The following CASQ1 variants were observed in gnomAD, a reference collection of about 807,000 sequenced individuals.
The protein encoded by CASQ1 is calsequestrin-1.
CASQ1 carries 40 observed loss-of-function variants against 49.5 expected under a neutral mutation model. The observed-to-expected ratio is 0.81, with a 90% CI of 0.63 to 1.05. The LOEUF (loss-of-function observed/expected upper bound fraction) is 1.05, where lower values mean the gene tolerates loss of function less well. Among genes scored for constraint, CASQ1 ranks in the 50% least tolerant of loss-of-function variants. The probability of loss-of-function intolerance (pLI) is 0.00; values close to 1 mark genes in which losing one functional copy is unlikely to be tolerated. For missense variants in CASQ1, 469 were observed against 486.9 expected (o/e 0.96, Z 0.35); for synonymous variants, 174 against 187.2 (o/e 0.93, Z 0.58).
chr1:160,201,251 A>G lies in CASQ1; in HGVS notation c.1066A>G (p.Ser356Gly), dbSNP rs774947224. 8.7e-6 allele frequency: 14 copies of G among 1,612,836 alleles called. No homozygotes were observed. The highest frequency in any genetic ancestry group is 1.2e-5 in the Non-Finnish European group (14 of 1,179,578). ...TGCCTGTGCCATCTCCTAGGCGGATAGCGTATGGATGGAAATGGACGATGA... is the reference window on the plus strand; with the variant it reads ...TGCCTGTGCCATCTCCTAGGCGGATGGCGTATGGATGGAAATGGACGATGA... ...IGVVNVTDAD[S>G]VWMEMDDEED... is the part of the protein sequence containing the mutation. The change falls in exon 11 of 11, where the codon AGC becomes GGC. Residue 356 changes from serine (S) to glycine (G), a missense_variant. Transcript: ENST00000368078.
intron 8 of CASQ1, 47 bp from the exon 9 acceptor site, chr1:160,198,906 C>CT (rs1557816304): frequency 1.5e-6 from 2 of 1,315,704 alleles, no homozygotes; most frequent in South Asian, 2.4e-5. Context: ...ACCTGGGTCC[C>CT]TTTCCTCTCT....
At chr1:160,200,029 C>G in intron 10 of CASQ1, 104 bp downstream of exon 10, 1 of 777,618 alleles carries the variant, frequency 1.3e-6, no homozygotes, top group South Asian at 1.4e-5. Flanking sequence ...TCTCACAGGA[C>G]GCAGACATGC....
chr1:160,200,034 A>G (rs910304696), intron 10 of CASQ1, 109 bp downstream of exon 10: 2 of 759,174 alleles, frequency 2.6e-6, no homozygotes, highest in Non-Finnish European at 2.4e-6. Flanking sequence ...CAGGACGCAG[A>G]CATGCCCAGT....
intron 7 of CASQ1, among the ~76,000 whole-genome samples, chr1:160,197,924 C>A (rs1406506743): frequency 6.6e-6 from 1 of 151,958 alleles, no homozygotes; most frequent in Non-Finnish European, 1.5e-5. Flanking sequence ...GAGGCTGAGG[C>A]AGGAGAATGG....
intron 5 of CASQ1, 59 bp from the exon 6 acceptor site, chr1:160,195,838 G>C: frequency 6.4e-7 from 1 of 1,572,446 alleles, no homozygotes; most frequent in East Asian, 2.2e-5. Context: ...CCATTATACT[G>C]CTTCTCGACA....
Position 160,198,683 on chromosome 1 carries a change from G to A in CASQ1, c.835G>A (p.Asp279Asn), listed in dbSNP as rs754411273. Residue 279 changes from aspartate to asparagine, a missense_variant, in exon 8 of 11, where the codon GAT (aspartate) becomes AAT (asparagine). Transcript: ENST00000368078. ...CCTTCTTACCCCCTGACAGGAGGAT[G>A]ATATGGATGGAATCCACATTGTGGC... Reference protein sequence around the residue: ...PESMYETWEDDMDGIHIVAFA... With the variant: ...PESMYETWEDNMDGIHIVAFA... 1.7e-5 allele frequency: 27 copies of A among 1,613,266 alleles called. No homozygotes were observed. The highest frequency in any genetic ancestry group is 2.0e-5 in the Non-Finnish European group (23 of 1,179,304).
rs564549404 is a variant in CASQ1, at chr1:160,198,680, G to A, written c.832G>A (p.Asp278Asn). The A allele has an allele frequency of 1.7e-5, 27 of 1,613,148 alleles. 1 individual carries two copies. In the South Asian group the frequency reaches 3.0e-4, roughly 18 times the overall value. ...TCTCCTTCTTACCCCCTGACAGGAGGATGATATGGATGGAATCCACATTGT... is the reference window on the plus strand; with the variant it reads ...TCTCCTTCTTACCCCCTGACAGGAGAATGATATGGATGGAATCCACATTGT... ...KPESMYETWE[D>N]DMDGIHIVAF... Residue 278 changes from aspartate (D) to asparagine (N), a missense_variant, in exon 8 of 11, where the codon GAT becomes AAT. Coordinates refer to ENST00000368078, the MANE Select transcript of CASQ1 (RefSeq NM_001231.5).
Position 160,201,495 on chromosome 1 carries a change from G to A in CASQ1, c.*119G>A. 9.3e-7 allele frequency: 1 copy of A among 1,069,610 alleles called. No individual in the cohort carries two copies. Among genetic ancestry groups the A allele is most frequent in the Non-Finnish European group, 1.4e-6 (1 of 728,568 alleles). The allele number at this position is 1,069,610 out of a possible 1,614,324, so 66.3% of individuals were successfully genotyped here. The stretch of plus-strand genomic sequence containing the variant: ...TTATTCTCTGCCATAGAGCTAACTG[G>A]GGTCTATATGCTGGGTGCTGAGACA... On this transcript the variant is annotated 3_prime_UTR_variant, in exon 11 of 11. Transcript: ENST00000368078.
Position 160,195,487 on chromosome 1 carries a change from G to C in CASQ1, c.604G>C (p.Glu202Gln), listed in dbSNP as rs566543249. Residue 202 changes from glutamate (E) to glutamine (Q), a missense_variant, in exon 5 of 11, where the codon GAG becomes CAG. Transcript: ENST00000368078. The stretch of plus-strand genomic sequence containing the variant: ...TTACAAAGCCTTCGAGGATGCAGCT[G>C]AGGAGTTTCATCCCTACATCCCCTT... The part of the protein sequence containing the change: ...EHYKAFEDAA[E>Q]EFHPYIPFFA... 1.9e-6 allele frequency: 3 copies of C among 1,614,100 alleles called. No homozygotes were observed. Among genetic ancestry groups the C allele is most frequent in the East Asian group, 2.2e-5 (1 of 44,886 alleles).
chr1:160,197,851 T>G (rs555545615), intron 7 of CASQ1, among the ~76,000 whole-genome samples: 1 of 151,840 alleles, frequency 6.6e-6, no homozygotes, highest in Non-Finnish European at 1.5e-5. Context: ...ACCCCATCTC[T>G]ACTGAAAATA....
rs764723999 is a variant in CASQ1 at position 160,195,951 on chromosome 1, A to G, written c.706A>G (p.Met236Val). 1 of 1,614,056 alleles carries G rather than the reference A, an allele frequency of 6.2e-7. No homozygotes were observed. Among genetic ancestry groups the G allele is most frequent in the South Asian group, 1.1e-5 (1 of 91,066 alleles). The change falls in exon 6 of 11, where the codon ATG (methionine) becomes GTG (valine). Residue 236 changes from methionine to valine, a missense_variant. By Grantham distance (21) the Met-to-Val change is conservative (BLOSUM62 1). Transcript: ENST00000368078. ...LNEIDFYEAF[M>V]EEPVTIPDKP... is the part of the protein sequence containing the mutation. ...TGAGATTGATTTCTACGAGGCCTTC[A>G]TGGAAGAGCCTGTGACCATCCCAGA... is the stretch of plus-strand genomic sequence containing the variant.
rs1557813144 is a variant in CASQ1 at position 160,191,011 on chromosome 1, TGGA to T, written c.265_267del (p.Glu89del). 1 of 1,613,904 alleles carries T rather than the reference TGGA, an allele frequency of 6.2e-7. No homozygotes were observed. Among genetic ancestry groups the T allele is most frequent in the Non-Finnish European group, 8.5e-7 (1 of 1,179,982 alleles). ...AAGGCCTCACAAAGACAATTTGAGA[TGGA>T]GGAGCTGATCCTGGAGGTGAGTTGG... is the stretch of plus-strand genomic sequence containing the variant. On this transcript the variant is annotated inframe_deletion, in exon 1 of 11. Coordinates refer to ENST00000368078, the MANE Select transcript of CASQ1 (RefSeq NM_001231.5).
Position 160,190,641 on chromosome 1 carries a change from A to G in CASQ1, c.-111A>G, listed in dbSNP as rs923453611. ...GTCCACTGCTCTGGGCCATTCCCCA[A>G]TCCCCCCTCCCACTTGAGCCCCTAA... On this transcript the variant is annotated 5_prime_UTR_variant, in exon 1 of 11. Transcript: ENST00000368078. The G allele has an allele frequency of 4.1e-5, 42 of 1,022,708 alleles. No individual in the cohort carries two copies. The highest frequency in any genetic ancestry group is 3.0e-4 in the Admixed American group (12 of 39,912). 63.4% of individuals were successfully genotyped at this position (1,022,708 alleles called of 1,614,324 possible).
intron 3 of CASQ1, among the ~76,000 whole-genome samples, chr1:160,194,149 TATACATA>T (rs1654147198): frequency 7.8e-6 from 1 of 127,474 alleles, no homozygotes; most frequent in African/African-American, 3.4e-5. Flanking sequence ...ACACACATCA[TATACATA>T]CCACACACCC....
intron 5 of CASQ1, 46 bp from the exon 6 acceptor site, chr1:160,195,851 A>T: frequency 6.3e-7 from 1 of 1,597,930 alleles, no homozygotes; most frequent in Non-Finnish European, 8.5e-7. Flanking sequence ...TCTCGACATG[A>T]CCCTGTGTCT....
intron 7 of CASQ1, among the ~76,000 whole-genome samples, chr1:160,197,896 G>A (rs965561075): frequency 6.6e-6 from 1 of 152,182 alleles, no homozygotes; most frequent in Non-Finnish European, 1.5e-5. Context: ...GCGGGCGCCT[G>A]TAGTCCCAGC....
intron 9 of CASQ1, among the ~76,000 whole-genome samples, chr1:160,199,387 CCT>C (rs1654319313): frequency 6.6e-6 from 1 of 152,206 alleles, no homozygotes; most frequent in Non-Finnish European, 1.5e-5. Flanking sequence ...ACAGAGATTC[CCT>C]GTTTCAGGAG....
intron 1 of CASQ1, 35 bp from the exon 2 acceptor site, chr1:160,192,767 C>T (rs371614302): frequency 2.5e-6 from 4 of 1,586,064 alleles, no homozygotes; most frequent in Non-Finnish European, 8.7e-7. Flanking sequence ...ATAAAAATTC[C>T]AGGGGCTAAT....
chr1:160,190,660 C>T lies in CASQ1; in HGVS notation c.-92C>T. ...TCCCCAATCCCCCCTCCCACTTGAG[C>T]CCCTAACTCAGAATCTGGGACCCAG... On this transcript the variant is annotated 5_prime_UTR_variant, in exon 1 of 11. Coordinates refer to ENST00000368078, the MANE Select transcript of CASQ1 (RefSeq NM_001231.5). The T allele has an allele frequency of 1.6e-6, 2 of 1,221,454 alleles. No homozygotes were observed. Among genetic ancestry groups the T allele is most frequent in the South Asian group, 1.5e-5 (1 of 67,490 alleles). 75.7% of individuals were successfully genotyped at this position (1,221,454 alleles called of 1,614,324 possible).
Sources: allele counts gnomAD v4.1 joint callset (sites outside exome capture counted in the v4.1 genomes callset), GRCh38; gene constraint gnomAD v4.1.1; transcripts MANE v1.5; gene names NCBI Gene and HGNC (gene_info 2026-07-23, HGNC 2026-07-21).